Variants in OPCML observed in about 807,000 individuals in gnomAD.
OPCML encodes opioid binding protein/cell adhesion molecule like, also known as opioid-binding protein/cell adhesion molecule.
A neutral mutation model predicts 37.8 loss-of-function variants in OPCML; 13 were observed. That is an observed-to-expected ratio of 0.34 (90% confidence interval 0.22 to 0.55). The LOEUF (loss-of-function observed/expected upper bound fraction) is 0.55. Among genes scored for constraint, OPCML ranks in the 20% least tolerant of loss-of-function variants. OPCML has a pLI of 0.91. For synonymous variants in OPCML, 176 were observed against 168.8 expected, an observed-to-expected ratio of 1.04 and a Z score of -0.33; for missense variants, 341 against 435.6, an observed-to-expected ratio of 0.78 and a Z score of 1.93.
At chr11:132,930,730 T>C (rs1460986649) in intron 2 of OPCML, among the ~76,000 whole-genome samples, 1 of 152,184 alleles carries the variant, frequency 6.6e-6, no homozygotes, top group Non-Finnish European at 1.5e-5. Context: ...TGAAAAGACA[T>C]GTTGTGTTTA....
At chr11:132,631,700 G>A (rs1304032508) in intron 3 of OPCML, among the ~76,000 whole-genome samples, 1 of 151,318 alleles carries the variant, frequency 6.6e-6, no homozygotes, top group African/African-American at 2.4e-5. Context: ...AGTTTAACAA[G>A]AAAAATATAT....
At position 132,943,932 on chromosome 11, in the gene OPCML, C is replaced by T. The variant is rs1366280109; in HGVS notation, c.62-922G>A. Among the ~76,000 whole-genome samples, 2 of 151,948 alleles carry T rather than the reference C, an allele frequency of 1.3e-5. No homozygotes were observed. Among genetic ancestry groups the T allele is most frequent in the Admixed American group, 6.6e-5 (1 of 15,264 alleles). On this transcript the variant is annotated intron_variant, in intron 1 of 7. Coordinates refer to ENST00000524381, the MANE Select transcript of OPCML (RefSeq NM_001012393.5). This position sits in a 1 kb window ranked among gnomAD's most constrained non-coding sequence, Gnocchi z 4.3. ...CCCGACGCGCGCGGGCCCGGACCGC[C>T]GGGGTTGTCATGGCAGCAGCTCCAT...
At chr11:132,464,250 G>C (rs1387292718) in intron 4 of OPCML, among the ~76,000 whole-genome samples, 1 of 152,030 alleles carries the variant, frequency 6.6e-6, no homozygotes, top group East Asian at 1.9e-4. Flanking sequence ...TATCACCAGG[G>C]AGGCTGTCGC....
intron 1 of OPCML, among the ~76,000 whole-genome samples, chr11:133,391,864 T>G (rs79425655): frequency 0.026 from 3,983 of 152,250 alleles, 83 homozygotes; most frequent in Middle Eastern, 0.054. Context: ...ATTACCAGAT[T>G]AAGAAGCTAA....
At chr11:133,028,562 A>T (rs200669255) in intron 1 of OPCML, among the ~76,000 whole-genome samples, 5 of 100,346 alleles carry the variant, frequency 5.0e-5, no homozygotes, top group East Asian at 3.7e-4. Context: ...TGTACATGTG[A>T]GAGAGAGAGA....
chr11:133,140,764 GA>G (rs1458041349), intron 1 of OPCML, among the ~76,000 whole-genome samples: 2 of 12,004 alleles, frequency 1.7e-4, no homozygotes, highest in African/African-American at 3.4e-4. Context: ...AGAAGACGAC[GA>G]AGAAGAAGAA....
intron 2 of OPCML, among the ~76,000 whole-genome samples, chr11:132,940,660 G>C (rs1007368976): frequency 1.3e-5 from 2 of 152,084 alleles, no homozygotes; most frequent in African/African-American, 4.8e-5. Context: ...CACCAATACA[G>C]CAAAAGAGTG....
chr11:132,515,170 GC>G (rs748481005), intron 4 of OPCML, among the ~76,000 whole-genome samples: 4 of 152,110 alleles, frequency 2.6e-5, no homozygotes, highest in Non-Finnish European at 1.5e-5. Context: ...CTCTTAGGAA[GC>G]AAAATCATCT....
At chr11:133,341,082 T>TG (rs1226548623) in intron 1 of OPCML, among the ~76,000 whole-genome samples, 6 of 152,180 alleles carry the variant, frequency 3.9e-5, no homozygotes, top group Admixed American at 1.3e-4. Flanking sequence ...TCTGTCCTCA[T>TG]GCACACACCC....
intron 2 of OPCML, among the ~76,000 whole-genome samples, chr11:132,726,605 G>T (rs868417700): frequency 1.3e-5 from 2 of 151,946 alleles, no homozygotes; most frequent in East Asian, 1.9e-4. Flanking sequence ...AGTTACAAAA[G>T]AAATATTGAA....
At chr11:133,479,285 C>G (rs1947322482) in intron 1 of OPCML, among the ~76,000 whole-genome samples, 1 of 152,174 alleles carries the variant, frequency 6.6e-6, no homozygotes, top group Non-Finnish European at 1.5e-5. Context: ...CCAGAGGATT[C>G]TCACGCACAG....
chr11:132,690,227 A>G (rs1016629560), intron 2 of OPCML, among the ~76,000 whole-genome samples: 4 of 152,154 alleles, frequency 2.6e-5, no homozygotes, highest in African/African-American at 4.8e-5. Context: ...GGAGCCCATC[A>G]CCATGCCTGG....
intron 3 of OPCML, among the ~76,000 whole-genome samples, chr11:132,581,123 G>A (rs1014856394): frequency 6.6e-6 from 1 of 152,130 alleles, no homozygotes; most frequent in Non-Finnish European, 1.5e-5. Flanking sequence ...AACCAAGCGT[G>A]ACTTGCCCCA....
intron 1 of OPCML, among the ~76,000 whole-genome samples, chr11:133,340,025 A>T (rs1943827879): frequency 6.6e-6 from 1 of 152,134 alleles, no homozygotes. Context: ...GCTTTCTGGA[A>T]TCTTTGGTGC....
intron 1 of OPCML, among the ~76,000 whole-genome samples, chr11:133,027,013 A>G (rs1414114291): frequency 6.6e-6 from 1 of 152,196 alleles, no homozygotes; most frequent in Non-Finnish European, 1.5e-5. Context: ...ATGGGAACTT[A>G]AGGTGGAGGG....
chr11:133,404,596 G>C (rs950598838), intron 1 of OPCML, among the ~76,000 whole-genome samples: 1 of 152,214 alleles, frequency 6.6e-6, no homozygotes, highest in African/African-American at 2.4e-5. Flanking sequence ...TAACCACTAC[G>C]CCACACTGCC....
intron 2 of OPCML, among the ~76,000 whole-genome samples, chr11:132,846,323 C>A (rs1172866649): frequency 6.6e-6 from 1 of 152,134 alleles, no homozygotes; most frequent in Admixed American, 6.5e-5. Context: ...CTCACAGCAG[C>A]CTGAAAACAC....
chr11:132,864,773 CATCT>C (rs879434497), intron 2 of OPCML, among the ~76,000 whole-genome samples: 14 of 152,332 alleles, frequency 9.2e-5, no homozygotes, highest in Non-Finnish European at 1.8e-4. Flanking sequence ...TACCCAAAAA[CATCT>C]ATCTATTTTT....
At chr11:133,083,490 G>A (rs1403783721) in intron 1 of OPCML, among the ~76,000 whole-genome samples, 1 of 152,228 alleles carries the variant, frequency 6.6e-6, no homozygotes. Context: ...GCAGGGCCCC[G>A]GAAGGCTCGG....
Sources: gnomAD v4.1 joint callset for allele counts (sites outside exome capture counted in the v4.1 genomes callset) on GRCh38, gnomAD v4.1.1 for gene constraint, Gnocchi (gnomAD v3.1) non-coding constraint, MANE v1.5 for transcripts, NCBI Gene and HGNC (gene_info 2026-07-23, HGNC 2026-07-21) for gene names.